The following RPRD2 variants were observed in gnomAD, a reference collection of about 807,000 sequenced individuals.
The protein encoded by RPRD2 is regulation of nuclear pre-mRNA domain-containing protein 2.
In RPRD2, 12 loss-of-function variants were observed where a neutral mutation model predicts 104.4. The ratio of observed to expected loss-of-function variants is 0.11; its 90% CI spans 0.07 to 0.19. RPRD2 has a LOEUF of 0.19. RPRD2 is among the 10% of genes least tolerant of loss of function. The pLI is 1.00. For missense variants in RPRD2, 1,543 were observed against 1,790.1 expected (o/e 0.86, Z 2.49); for synonymous variants, 714 against 684.9 (o/e 1.04, Z -0.66).
chr1:150,473,110 G>T lies in RPRD2; in HGVS notation c.4162G>T (p.Gly1388Trp), dbSNP rs769547651. The T allele has an allele frequency of 6.2e-7, 1 of 1,614,008 alleles. No homozygotes were observed. Among genetic ancestry groups the T allele is most frequent in the Non-Finnish European group, 8.5e-7 (1 of 1,179,888 alleles). Residue 1388 changes from glycine (G) to tryptophan (W), a missense_variant, in exon 11 of 11, where the codon GGG (glycine) becomes TGG (tryptophan). Gly to Trp is a radical substitution (Grantham distance 184, BLOSUM62 -2). Coordinates refer to ENST00000369068, the MANE Select transcript of RPRD2 (RefSeq NM_015203.5). ...HLGPPHGGGG[G>W]GGSNSSSGPP... is the part of the protein sequence containing the mutation. ...GGGCCCACCCCATGGAGGAGGAGGT[G>T]GGGGAGGCAGCAACAGCAGCAGTGG... is the stretch of plus-strand genomic sequence containing the variant.
intron 1 of RPRD2, among the ~76,000 whole-genome samples, chr1:150,395,921 G>C (rs189322692): frequency 2.1e-4 from 32 of 152,312 alleles, no homozygotes; most frequent in Admixed American, 1.2e-3. Context: ...TCTCCACACT[G>C]TTTTCCATAG....
intron 1 of RPRD2, among the ~76,000 whole-genome samples, chr1:150,395,864 G>T (rs1183885036): frequency 1.3e-5 from 2 of 152,136 alleles, no homozygotes; most frequent in Non-Finnish European, 2.9e-5. Context: ...ACTCAGTATT[G>T]GGATTGCTGG....
chr1:150,443,130 C>T (rs916729325), intron 4 of RPRD2, 101 bp from the exon 5 acceptor site: 22 of 696,116 alleles, frequency 3.2e-5, no homozygotes, highest in East Asian at 2.8e-4. Context: ...GCATGTTTGC[C>T]ATATGTTCAG....
rs929079543 is a variant in RPRD2, at chr1:150,382,008, T to C, written c.205+17089T>C. On this transcript the variant is annotated intron_variant, in intron 1 of 10. Transcript: ENST00000369068. ...TGTTGGAATTAAATAAGATGCTTCATATGAAGTGTTTGGCAAACTACCTGA... is the reference window on the plus strand; with the variant it reads ...TGTTGGAATTAAATAAGATGCTTCACATGAAGTGTTTGGCAAACTACCTGA... Among the ~76,000 whole-genome samples, 15 of 152,328 alleles carry C rather than the reference T, an allele frequency of 9.8e-5. No individual in the cohort carries two copies. In the Middle Eastern group the frequency reaches 0.014, roughly 138 times the overall value.
intron 1 of RPRD2, among the ~76,000 whole-genome samples, chr1:150,387,850 A>G (rs1382966779): frequency 6.7e-6 from 1 of 150,282 alleles, no homozygotes; most frequent in African/African-American, 2.4e-5. Context: ...TCGGCCTCCC[A>G]AAGTGCTAGG....
rs782803880 is a variant in RPRD2 at position 150,457,543 on chromosome 1, G to A, written c.1126G>A (p.Val376Met). ...TGTGGAAGACATGGAACTCTCAGAT[G>A]TGGAAGATGATGGGTCAAAAATCAT... ...RDVEDMELSD[V>M]EDDGSKIIVE... The change falls in exon 8 of 11, where the codon GTG becomes ATG. Residue 376 changes from valine to methionine, a missense_variant. Physicochemically the swap from Val to Met is conservative, Grantham distance 21. Coordinates refer to ENST00000369068, the MANE Select transcript of RPRD2 (RefSeq NM_015203.5). 1 of 1,613,950 alleles carries A rather than the reference G, an allele frequency of 6.2e-7. No individual in the cohort carries two copies. The highest frequency in any genetic ancestry group is 1.7e-5 in the Admixed American group (1 of 60,016).
At chr1:150,388,495 G>GCACACA (rs1203503867) in intron 1 of RPRD2, among the ~76,000 whole-genome samples, 1 of 86,360 alleles carries the variant, frequency 1.2e-5, no homozygotes, top group Admixed American at 1.5e-4. Flanking sequence ...ATATATACCC[G>GCACACA]CGCACACACA....
chr1:150,377,425 CGT>C (rs1387560787), intron 1 of RPRD2, among the ~76,000 whole-genome samples: 1 of 150,616 alleles, frequency 6.6e-6, no homozygotes, highest in Non-Finnish European at 1.5e-5. Context: ...GGTGAAACCC[CGT>C]CTCTACTAAA....
chr1:150,432,731 A>G (rs1280217449), intron 2 of RPRD2, among the ~76,000 whole-genome samples: 1 of 151,990 alleles, frequency 6.6e-6, no homozygotes, highest in Non-Finnish European at 1.5e-5. Context: ...TAATCCTGAC[A>G]AGTTGGGAGG....
chr1:150,372,214 TC>T (rs1412469508), intron 1 of RPRD2, among the ~76,000 whole-genome samples: 1 of 152,202 alleles, frequency 6.6e-6, no homozygotes, highest in African/African-American at 2.4e-5. Flanking sequence ...TGTTTATAAA[TC>T]CCTAGTTTCC....
intron 7 of RPRD2, among the ~76,000 whole-genome samples, chr1:150,456,403 C>G (rs1475764305): frequency 2.0e-5 from 3 of 152,084 alleles, no homozygotes; most frequent in Non-Finnish European, 2.9e-5. Context: ...CTACTGCATG[C>G]TTGACAGATG....
chr1:150,373,411 C>T (rs1400683618), intron 1 of RPRD2, among the ~76,000 whole-genome samples: 1 of 151,902 alleles, frequency 6.6e-6, no homozygotes, highest in Non-Finnish European at 1.5e-5. Context: ...TGGCTTGGAC[C>T]AGGTTATGGC....
intron 1 of RPRD2, among the ~76,000 whole-genome samples, chr1:150,391,839 C>T (rs1553883203): frequency 6.6e-6 from 1 of 151,864 alleles, no homozygotes; most frequent in African/African-American, 2.4e-5. Flanking sequence ...ACCTGGGAGG[C>T]AGAGGTTGCA....
At chr1:150,446,056 A>T (rs1553895418) in intron 6 of RPRD2, among the ~76,000 whole-genome samples, 170 bp from the exon 7 acceptor site, 1 of 141,648 alleles carries the variant, frequency 7.1e-6, no homozygotes. Context: ...CGACAGAGTG[A>T]GACTCCGTCT....
chr1:150,418,209 C>T (rs1553888990), intron 2 of RPRD2, among the ~76,000 whole-genome samples: 1 of 152,082 alleles, frequency 6.6e-6, no homozygotes, highest in Admixed American at 6.6e-5. Context: ...CCTCATGATC[C>T]ACCTGCTTCA....
intron 1 of RPRD2, among the ~76,000 whole-genome samples, chr1:150,386,335 G>A (rs976754603): frequency 8.5e-5 from 13 of 152,168 alleles, no homozygotes; most frequent in South Asian, 4.1e-4. Flanking sequence ...CTGTAATGCC[G>A]GCATTTTGGG....
At chr1:150,470,204 A>G (rs587609289) in intron 10 of RPRD2, among the ~76,000 whole-genome samples, 3 of 152,270 alleles carry the variant, frequency 2.0e-5, no homozygotes, top group African/African-American at 4.8e-5. Flanking sequence ...ATACTGGCTT[A>G]AAGTGTTGTT....
chr1:150,435,674 G>A (rs189680031), intron 2 of RPRD2, among the ~76,000 whole-genome samples: 1 of 152,198 alleles, frequency 6.6e-6, no homozygotes, highest in East Asian at 1.9e-4. Context: ...GTGGAAATAG[G>A]TTCATGAGAT....
chr1:150,412,377 T>A (rs1230075094), intron 1 of RPRD2, among the ~76,000 whole-genome samples: 1 of 152,218 alleles, frequency 6.6e-6, no homozygotes. Flanking sequence ...TAAAATAGTT[T>A]GGGGTGGTTT....
Sources: gnomAD v4.1 joint callset for allele counts (sites outside exome capture counted in the v4.1 genomes callset) on GRCh38, gnomAD v4.1.1 for gene constraint, MANE v1.5 for transcripts, NCBI Gene and HGNC (gene_info 2026-07-23, HGNC 2026-07-21) for gene names.